Variants in AMACR observed in about 807,000 individuals in gnomAD.
AMACR encodes 2-methylacyl-CoA racemase.
A neutral mutation model predicts 22.2 loss-of-function variants in AMACR; 18 were observed. The observed-to-expected ratio is 0.81, with a 90% confidence interval of 0.56 to 1.20. The LOEUF (loss-of-function observed/expected upper bound fraction) is 1.20, where lower values mean the gene tolerates loss of function less well. Ranked by LOEUF, AMACR falls within the 50% of genes most tolerant of loss-of-function variation. The probability of loss-of-function intolerance (pLI) is 0.00; values close to 1 mark genes in which losing one functional copy is unlikely to be tolerated. For missense variants in AMACR, 499 were observed against 490.6 expected (o/e 1.02, Z -0.16); for synonymous variants, 213 against 191.3 (o/e 1.11, Z -0.94).
In AMACR at chr5:33,989,292, G is replaced by T. The variant is rs2112032576; in HGVS notation, c.950C>A (p.Thr317Asn). The T allele has an allele frequency of 6.2e-7, 1 of 1,614,118 alleles. No homozygotes were observed. Among genetic ancestry groups the T allele is most frequent in the Non-Finnish European group, 8.5e-7 (1 of 1,180,000 alleles). ...GGGGCTCACGTCCTGCTCCTCACTG[G>T]TGATAAACGAGCCCCGTTCCTTGTT... ...DHNKERGSFI[T>N]SEEQDVSPRP... Residue 317 changes from threonine (T) to asparagine (N), a missense_variant, in exon 5 of 5, where the codon ACC becomes AAC. By Grantham distance (65) the Thr-to-Asn change is moderately conservative. Coordinates refer to ENST00000335606, the MANE Select transcript of AMACR (RefSeq NM_014324.6).
intron 4 of AMACR, 58 bp downstream of exon 4, chr5:33,998,583 A>G (rs1753710227): frequency 6.6e-7 from 1 of 1,525,602 alleles, no homozygotes; most frequent in South Asian, 1.3e-5. Flanking sequence ...TTTAAAATAG[A>G]ACCAAAGAAC....
At chr5:33,997,730 T>G in intron 4 of AMACR, 2 of 567,688 alleles carry the variant, frequency 3.5e-6, no homozygotes, top group Admixed American at 7.1e-5. Context: ...TGTTCTTCTA[T>G]AGTTTTTCCA....
At chr5:34,007,669 G>A (rs891991921) in intron 1 of AMACR, 104 bp downstream of exon 1, 5 of 1,416,358 alleles carry the variant, frequency 3.5e-6, no homozygotes, top group East Asian at 5.2e-5. Flanking sequence ...AAGGGTTCTT[G>A]CGGCAACAGG....
chr5:34,005,275 T>C (rs16892147), intron 2 of AMACR, among the ~76,000 whole-genome samples: 3,926 of 150,948 alleles, frequency 0.026, 79 homozygotes, highest in Middle Eastern at 0.12. Context: ...GCAAAAACTC[T>C]AATAAAGTGA....
At chr5:33,992,818 C>T (rs1210167085) in intron 4 of AMACR, among the ~76,000 whole-genome samples, 1 of 152,078 alleles carries the variant, frequency 6.6e-6, no homozygotes, top group Non-Finnish European at 1.5e-5. Flanking sequence ...GGAAAATTTT[C>T]CCTTCTTACT....
At chr5:33,999,933 C>T (rs899472479) in intron 3 of AMACR, among the ~76,000 whole-genome samples, 1 of 152,144 alleles carries the variant, frequency 6.6e-6, no homozygotes, top group African/African-American at 2.4e-5. Flanking sequence ...CACACACACA[C>T]ATATATACAC....
intron 3 of AMACR, among the ~76,000 whole-genome samples, chr5:34,001,719 A>C (rs979048875): frequency 6.6e-6 from 1 of 152,196 alleles, no homozygotes; most frequent in African/African-American, 2.4e-5. Context: ...CACTACAATA[A>C]GGCAGCCTCC....
intron 4 of AMACR, 55 bp downstream of exon 4, chr5:33,998,586 C>A (rs1013555111): frequency 5.9e-6 from 9 of 1,523,822 alleles, no homozygotes; most frequent in East Asian, 2.3e-5. Flanking sequence ...AAAATAGAAC[C>A]AAAGAACATC....
In AMACR at chr5:33,996,795, C is replaced by CAA. The variant is rs11463518; in HGVS notation, c.739+1844_739+1845dup. Among the ~76,000 whole-genome samples the CAA allele has an allele frequency of 1.7e-3, 242 of 145,658 alleles. 1 individual carries two copies. Among genetic ancestry groups the CAA allele is most frequent in the African/African-American group, 5.6e-3 (226 of 40,296 alleles). On this transcript the variant is annotated intron_variant, in intron 4 of 4. Transcript: ENST00000335606. Reference sequence around the variant, plus strand: ...CCCTAGATTAAAACAAACAAGCAAACAAAAAAAAAAGGTATTTAAGGACAT... The same window carrying CAA: ...CCCTAGATTAAAACAAACAAGCAAACAAAAAAAAAAAAGGTATTTAAGGACAT...
At chr5:34,004,852 A>G in intron 2 of AMACR, 118 bp from the exon 3 acceptor site, 1 of 1,203,434 alleles carries the variant, frequency 8.3e-7, no homozygotes, top group Admixed American at 2.1e-5. Flanking sequence ...AGTGAAAGCT[A>G]GTATACATCA....
chr5:33,996,912 C>G (rs375559777), intron 4 of AMACR: 19 of 408,526 alleles, frequency 4.7e-5, no homozygotes, highest in Admixed American at 3.2e-4. Flanking sequence ...AATCATTAAA[C>G]AAACAGCAAC....
At chr5:34,002,747 C>T (rs891749895) in intron 3 of AMACR, among the ~76,000 whole-genome samples, 12 of 152,292 alleles carry the variant, frequency 7.9e-5, no homozygotes, top group South Asian at 2.1e-4. Context: ...GGTATAAATC[C>T]GGTGCTGCTA....
chr5:34,004,336 C>T (rs1753904203), intron 3 of AMACR, among the ~76,000 whole-genome samples: 1 of 152,200 alleles, frequency 6.6e-6, no homozygotes, highest in Admixed American at 6.5e-5. Flanking sequence ...GTAGGAATCA[C>T]ATGAGTCACA....
chr5:33,991,980 G>A (rs1360925417), intron 4 of AMACR, among the ~76,000 whole-genome samples: 2 of 152,126 alleles, frequency 1.3e-5, no homozygotes, highest in Non-Finnish European at 2.9e-5. Flanking sequence ...CCAGGTTCAA[G>A]AGATTCTCCT....
At chr5:34,000,370 A>G (rs1306227187) in intron 3 of AMACR, among the ~76,000 whole-genome samples, 1 of 152,256 alleles carries the variant, frequency 6.6e-6, no homozygotes, top group Non-Finnish European at 1.5e-5. Context: ...TCTGGCTTTC[A>G]TGTTCAGGCC....
Position 33,986,707 on chromosome 5 carries a change from C to CTA in AMACR, c.*2385_*2386insTA, listed in dbSNP as rs1753303534. 1 of 152,180 alleles carries CTA rather than the reference C, an allele frequency of 6.6e-6. No homozygotes were observed. Among genetic ancestry groups the CTA allele is most frequent in the African/African-American group, 2.4e-5 (1 of 41,434 alleles). 9.4% of individuals were successfully genotyped at this position (152,180 alleles called of 1,614,324 possible). A position where few individuals can be genotyped will look rare whatever the true frequency, so the allele number is the denominator to read the frequency against. ...CCAGGATATTTCCCTAGATTTCTTT[C>CTA]TTCTCCCTGAGGTATTACTGCCAGT... On this transcript the variant is annotated 3_prime_UTR_variant, in exon 5 of 5. Coordinates refer to ENST00000335606, the MANE Select transcript of AMACR (RefSeq NM_014324.6).
chr5:34,007,670 C>G, intron 1 of AMACR, 103 bp downstream of exon 1: 1 of 1,420,206 alleles, frequency 7.0e-7, no homozygotes, highest in Non-Finnish European at 9.2e-7. Context: ...AGGGTTCTTG[C>G]GGCAACAGGG....
Position 33,988,333 on chromosome 5 carries a change from G to A in AMACR, c.*760C>T, listed in dbSNP as rs991052989. 5.8e-6 allele frequency: 9 copies of A among 1,541,916 alleles called. No individual in the cohort carries two copies. The African/African-American group carries it at 1.1e-4, about 19-fold the overall frequency. On this transcript the variant is annotated 3_prime_UTR_variant, in exon 5 of 5. Coordinates refer to ENST00000335606, the MANE Select transcript of AMACR (RefSeq NM_014324.6). ...TTATTTCTGGATGTTGCTGTGTGTT[G>A]GGTATAAGATCCAGAACTTGCTACC...
rs980047188 is a variant in AMACR at position 34,008,011 on chromosome 5, C to T, written c.9G>A (p.Leu3=). Residue 3 remains leucine (L), a synonymous_variant, in exon 1 of 5, where the codon CTG becomes CTA. Coordinates refer to ENST00000335606, the MANE Select transcript of AMACR (RefSeq NM_014324.6). ...ACAGCTCCACGACCGAGATGCCCTG[C>T]AGTGCCATGGCGCTTCCCAGTGCCC... MA[L]QGISVVELSG... is the part of the protein sequence containing the mutation. 3.1e-6 allele frequency: 5 copies of T among 1,610,784 alleles called. No homozygotes were observed. Among genetic ancestry groups the T allele is most frequent in the Non-Finnish European group, 4.2e-6 (5 of 1,179,758 alleles).
Sources: allele counts gnomAD v4.1 joint callset (sites outside exome capture counted in the v4.1 genomes callset), GRCh38; gene constraint gnomAD v4.1.1; transcripts MANE v1.5; gene names NCBI Gene and HGNC (gene_info 2026-07-23, HGNC 2026-07-21).